The following STAB2 variants were observed in gnomAD, a reference collection of about 807,000 sequenced individuals.
The protein encoded by STAB2 is stabilin-2.
A neutral mutation model predicts 338.1 loss-of-function variants in STAB2; 288 were observed. The observed-to-expected ratio is 0.85, with a 90% CI of 0.77 to 0.94. The LOEUF (loss-of-function observed/expected upper bound fraction) is 0.94. Ranked by LOEUF, STAB2 falls within the 40% of genes least tolerant of loss-of-function variation. The pLI is 0.00. For synonymous variants in STAB2, 1,202 were observed against 1,193.3 expected, an observed-to-expected ratio of 1.01 and a Z score of -0.15; for missense variants, 3,141 against 3,210.1, an observed-to-expected ratio of 0.98 and a Z score of 0.52.
At chr12:103,618,205 C>G (rs1185424710) in intron 3 of STAB2, among the ~76,000 whole-genome samples, 1 of 152,136 alleles carries the variant, frequency 6.6e-6, no homozygotes, top group African/African-American at 2.4e-5. Context: ...AGGTAAAAGT[C>G]TTTGGGAGGT....
At chr12:103,729,122 C>A in intron 48 of STAB2, 127 bp downstream of exon 48, 2 of 848,972 alleles carry the variant, frequency 2.4e-6, no homozygotes, top group African/African-American at 1.7e-5. Flanking sequence ...GCTGCATGTC[C>A]TCACTTACAA....
At chr12:103,642,141 A>C (rs1282034606) in intron 9 of STAB2, among the ~76,000 whole-genome samples, 1 of 152,244 alleles carries the variant, frequency 6.6e-6, no homozygotes, top group Non-Finnish European at 1.5e-5. Context: ...AGAGACCAGG[A>C]ATCTCTGCCT....
chr12:103,727,216 ATG>A (rs1375989442), intron 46 of STAB2, 49 bp from the exon 47 acceptor site: 4 of 1,597,406 alleles, frequency 2.5e-6, no homozygotes, highest in Non-Finnish European at 3.4e-6. Context: ...GAGCCCCGGC[ATG>A]TATTGATGTT....
At chr12:103,704,241 T>G (rs947823020) in intron 35 of STAB2, among the ~76,000 whole-genome samples, 2 of 152,230 alleles carry the variant, frequency 1.3e-5, no homozygotes, top group Non-Finnish European at 2.9e-5. Flanking sequence ...TACAGTAACT[T>G]GTGAGTTTCT....
At chr12:103,668,762 C>T (rs985786873) in intron 20 of STAB2, 33 bp downstream of exon 20, 5 of 1,506,354 alleles carry the variant, frequency 3.3e-6, no homozygotes, top group Non-Finnish European at 4.5e-6. Flanking sequence ...CCAGTCTAGG[C>T]CAGTAGGGCC....
At chr12:103,740,553 T>A (rs550192356) in intron 54 of STAB2, 77 bp from the exon 55 acceptor site, 49 of 1,536,404 alleles carry the variant, frequency 3.2e-5, no homozygotes, top group South Asian at 3.9e-5. Flanking sequence ...AAGACCTCCA[T>A]GAGGGCACAG....
chr12:103,698,957 T>C, intron 33 of STAB2, 139 bp from the exon 34 acceptor site: 2 of 1,042,186 alleles, frequency 1.9e-6, no homozygotes, highest in Non-Finnish European at 2.7e-6. Context: ...GAATATTGTG[T>C]CTTAATACCT....
chr12:103,695,634 C>T lies in STAB2; in HGVS notation c.3460C>T (p.Arg1154Trp), dbSNP rs200109142. 4.3e-5 allele frequency: 70 copies of T among 1,614,058 alleles called. 1 individual carries two copies. The highest frequency in any genetic ancestry group is 1.3e-4 in the Admixed American group (8 of 59,998). The change falls in exon 32 of 69, where the codon CGG (arginine) becomes TGG (tryptophan). Residue 1154 changes from arginine (R) to tryptophan (W), a missense_variant. Physicochemically the swap from Arg to Trp is moderately radical, Grantham distance 101. Coordinates refer to ENST00000388887, the MANE Select transcript of STAB2 (RefSeq NM_017564.10). ...ACAGATGCCTGACTATTCCATCTTC[C>T]GGGGCTACATCATTGCAAGTACCAC... ...LEQMPDYSIFRGYIIQYNLAN... is the reference protein window; with the variant it reads ...LEQMPDYSIFWGYIIQYNLAN...
intron 9 of STAB2, among the ~76,000 whole-genome samples, chr12:103,645,225 A>G (rs1873242366): frequency 6.6e-6 from 1 of 152,192 alleles, no homozygotes; most frequent in Admixed American, 6.5e-5. Flanking sequence ...AAAGAAAACA[A>G]TTTCCTAAAG....
chr12:103,713,854 C>G (rs1880084827), intron 42 of STAB2, 86 bp downstream of exon 42: 1 of 1,562,946 alleles, frequency 6.4e-7, no homozygotes, highest in South Asian at 1.2e-5. Context: ...CCCTGATTAT[C>G]AGGACACAAA....
chr12:103,598,839 T>C (rs1027855788), intron 3 of STAB2, among the ~76,000 whole-genome samples: 1 of 152,152 alleles, frequency 6.6e-6, no homozygotes, highest in Non-Finnish European at 1.5e-5. Flanking sequence ...CAATCAGATA[T>C]ATGATAGACC....
chr12:103,685,209 G>A, intron 27 of STAB2, 125 bp downstream of exon 27: 1 of 879,072 alleles, frequency 1.1e-6, no homozygotes, highest in Non-Finnish European at 1.7e-6. Flanking sequence ...GAAGCAAGCT[G>A]TTTCTCACAG....
intron 37 of STAB2, 59 bp from the exon 38 acceptor site, chr12:103,706,733 G>A (rs1449722300): frequency 1.7e-5 from 28 of 1,601,340 alleles, no homozygotes; most frequent in African/African-American, 4.0e-5. Context: ...TTTCTACACC[G>A]AGGCTGGACA....
Position 103,703,245 on chromosome 12 carries a change from G to A in STAB2, c.3812G>A (p.Arg1271Lys), listed in dbSNP as rs1879060168. 6.2e-7 allele frequency: 1 copy of A among 1,613,810 alleles called. No homozygotes were observed. The highest frequency in any genetic ancestry group is 8.5e-7 in the Non-Finnish European group (1 of 1,180,036). Residue 1271 changes from arginine (R) to lysine (K), a missense_variant, in exon 35 of 69, where the codon AGA (arginine) becomes AAA (lysine). Physicochemically the swap from Arg to Lys is conservative, Grantham distance 26. Transcript: ENST00000388887. ...AAAGTTCTGGAAATTCAGAAGAACA[G>A]ATGTGATAATAATGACACTACTATT... ...LGKVLEIQKN[R>K]CDNNDTTIIR... is the part of the protein sequence containing the mutation.
chr12:103,651,010 T>C (rs373746521), intron 11 of STAB2, among the ~76,000 whole-genome samples: 1 of 152,190 alleles, frequency 6.6e-6, no homozygotes, highest in African/African-American at 2.4e-5. Context: ...TCATTATAAA[T>C]GGTACAAGCG....
chr12:103,729,983 C>T, intron 48 of STAB2, 133 bp from the exon 49 acceptor site: 2 of 740,852 alleles, frequency 2.7e-6, no homozygotes, highest in Non-Finnish European at 4.1e-6. Context: ...AATAAAAATA[C>T]ACTCAAGTAT....
rs1875115287 is a variant in STAB2, at chr12:103,666,476, CT to C, written c.2085+124del. ...TGCAGCTGGGGTAATATAAGATGGG[CT>C]CGTAGCCTACTATATGGGGGATGGT... On this transcript the variant is annotated intron_variant, in intron 19 of 68. Coordinates refer to ENST00000388887, the MANE Select transcript of STAB2 (RefSeq NM_017564.10). 1.0e-5 allele frequency: 10 copies of C among 967,970 alleles called. No individual in the cohort carries two copies. The South Asian group carries it at 1.3e-4, about 13-fold the overall frequency. The allele number at this position is 967,970 out of a possible 1,614,324, so 60.0% of individuals were successfully genotyped here.
intron 4 of STAB2, among the ~76,000 whole-genome samples, chr12:103,621,789 A>G (rs1005391593): frequency 3.9e-5 from 6 of 152,232 alleles, no homozygotes; most frequent in African/African-American, 1.4e-4. Context: ...TATGGCTGCT[A>G]GCACTTGCTA....
Position 103,637,175 on chromosome 12 carries a change from T to C in STAB2, c.648T>C (p.Asp216=). The C allele has an allele frequency of 1.2e-6, 2 of 1,613,154 alleles. No individual in the cohort carries two copies. The highest frequency in any genetic ancestry group is 1.7e-6 in the Non-Finnish European group (2 of 1,179,744). The change falls in exon 7 of 69, where the codon GAT becomes GAC. Residue 216 remains aspartate, a synonymous_variant. Transcript: ENST00000388887. ...ENSRCSPSTE[D]ENKLECKCLP... is the part of the protein sequence containing the mutation. ...CCAGATGTTCGCCTTCCACTGAAGA[T>C]GAAAACAAACTGGAATGCAAATGCC... is the stretch of plus-strand genomic sequence containing the variant.
Sources: gnomAD v4.1 joint callset for allele counts (sites outside exome capture counted in the v4.1 genomes callset) on GRCh38, gnomAD v4.1.1 for gene constraint, MANE v1.5 for transcripts, NCBI Gene and HGNC (gene_info 2026-07-23, HGNC 2026-07-21) for gene names.